SLC1A1: variants seen among roughly 807,000 people sequenced by gnomAD.
SLC1A1 encodes the protein excitatory amino acid transporter 3.
Under a neutral mutation model 53.3 loss-of-function variants are expected in SLC1A1, and 43 were observed. The ratio of observed to expected loss-of-function variants is 0.81; its 90% CI spans 0.63 to 1.04. The LOEUF (loss-of-function observed/expected upper bound fraction) is 1.04, where lower values mean the gene tolerates loss of function less well. Among genes scored for constraint, SLC1A1 ranks in the 50% least tolerant of loss-of-function variants. SLC1A1 has a pLI of 0.00. For synonymous variants in SLC1A1, 307 were observed against 243.2 expected (o/e 1.26, Z -2.44); for missense variants, 748 against 664.9 (o/e 1.12, Z -1.37).
intron 1 of SLC1A1, among the ~76,000 whole-genome samples, chr9:4,529,508 C>T (rs1403928350): frequency 6.6e-6 from 1 of 152,152 alleles, no homozygotes; most frequent in Non-Finnish European, 1.5e-5. Context: ...TTTGTAGTCA[C>T]ACAGTGTGCC....
chr9:4,563,716 T>C (rs1819203835), intron 3 of SLC1A1, among the ~76,000 whole-genome samples: 1 of 152,212 alleles, frequency 6.6e-6, no homozygotes, highest in Non-Finnish European at 1.5e-5. Context: ...AAGGCCACAA[T>C]GATGCTGTCA....
Position 4,561,502 on chromosome 9 carries a change from G to GTGTATTATT in SLC1A1, c.288_296dup (p.Tyr98_Phe99insLeuTyrTyr). ...CGGAAAAATTGGTCTGCGCGCTGTCGTGTATTATTTCTGTACCACTCTCAT... is the reference window on the plus strand; with the variant it reads ...CGGAAAAATTGGTCTGCGCGCTGTCGTGTATTATTTGTATTATTTCTGTACCACTCTCAT... On this transcript the variant is annotated inframe_insertion, in exon 3 of 12. Transcript: ENST00000262352. 3 of 1,608,654 alleles carry GTGTATTATT rather than the reference G, an allele frequency of 1.9e-6. No homozygotes were observed. The highest frequency in any genetic ancestry group is 2.6e-6 in the Non-Finnish European group (3 of 1,175,118).
intron 1 of SLC1A1, among the ~76,000 whole-genome samples, chr9:4,539,444 A>C (rs1246805162): frequency 1.3e-5 from 2 of 152,218 alleles, no homozygotes; most frequent in Admixed American, 6.5e-5. Flanking sequence ...TTTTTGAGAC[A>C]ACATGGAAGA....
chr9:4,549,686 T>C lies in SLC1A1; in HGVS notation c.232+4979T>C, dbSNP rs972049288. Among the ~76,000 whole-genome samples, 3 of 152,148 alleles carry C rather than the reference T, an allele frequency of 2.0e-5. No homozygotes were observed. Among genetic ancestry groups the C allele is most frequent in the Admixed American group, 2.0e-4 (3 of 15,272 alleles). ...TGACCTCTTCCTGGGATGCTTGCCATTGTGGAATATCCACTTCAGAGAAAA... is the reference window on the plus strand; with the variant it reads ...TGACCTCTTCCTGGGATGCTTGCCACTGTGGAATATCCACTTCAGAGAAAA... On this transcript the variant is annotated intron_variant, in intron 2 of 11. Coordinates refer to ENST00000262352, the MANE Select transcript of SLC1A1 (RefSeq NM_004170.6). The surrounding 1 kb of genome is among the most constrained non-coding windows in gnomAD (Gnocchi z 4.1).
intron 2 of SLC1A1, among the ~76,000 whole-genome samples, chr9:4,559,141 G>C (rs1471691607): frequency 4.6e-5 from 7 of 152,140 alleles, no homozygotes; most frequent in Non-Finnish European, 1.0e-4. Flanking sequence ...TGTTGTTGCT[G>C]TTGTCCCTTG....
chr9:4,509,188 A>G (rs1026061064), intron 1 of SLC1A1, among the ~76,000 whole-genome samples: 1 of 152,184 alleles, frequency 6.6e-6, no homozygotes, highest in African/African-American at 2.4e-5. Flanking sequence ...CATGTAAACA[A>G]AAAAGCATGG....
chr9:4,551,123 T>C (rs534640488), intron 2 of SLC1A1, among the ~76,000 whole-genome samples: 1 of 152,298 alleles, frequency 6.6e-6, no homozygotes, highest in South Asian at 2.1e-4. Flanking sequence ...GTGAGCAGAA[T>C]AAAGTGCAGT....
chr9:4,566,587 C>T (rs1300470905), intron 5 of SLC1A1, among the ~76,000 whole-genome samples: 6 of 152,136 alleles, frequency 3.9e-5, no homozygotes, highest in African/African-American at 1.4e-4. Flanking sequence ...GAAGCTCACA[C>T]CTGTAATCCC....
chr9:4,534,518 G>T (rs1359887762), intron 1 of SLC1A1, among the ~76,000 whole-genome samples: 1 of 152,112 alleles, frequency 6.6e-6, no homozygotes, highest in African/African-American at 2.4e-5. Context: ...CCAGCAAGAA[G>T]TTGAATCTCT....
At chr9:4,550,752 A>C (rs10739065) in intron 2 of SLC1A1, among the ~76,000 whole-genome samples, 55,474 of 152,106 alleles carry the variant, frequency 0.36, 10,785 homozygotes, top group East Asian at 0.6. Context: ...TTCAGTATTT[A>C]TTAAACAACA....
At chr9:4,544,012 A>G (rs1817241484) in intron 1 of SLC1A1, among the ~76,000 whole-genome samples, 2 of 152,070 alleles carry the variant, frequency 1.3e-5, no homozygotes, top group African/African-American at 4.8e-5. Context: ...AACCCTCTCA[A>G]GAAAAAAATA....
At chr9:4,544,955 A>G (rs953598672) in intron 2 of SLC1A1, among the ~76,000 whole-genome samples, 1 of 152,122 alleles carries the variant, frequency 6.6e-6, no homozygotes, top group African/African-American at 2.4e-5. Flanking sequence ...AAACCATAAG[A>G]TCTCGTGAGA....
intron 1 of SLC1A1, among the ~76,000 whole-genome samples, chr9:4,508,068 C>G (rs1820863177): frequency 6.6e-6 from 1 of 152,104 alleles, no homozygotes; most frequent in Non-Finnish European, 1.5e-5. Context: ...GAAATTCCAT[C>G]AGTGGCTTGG....
At chr9:4,575,186 G>C (rs941404753) in intron 8 of SLC1A1, among the ~76,000 whole-genome samples, 1 of 152,178 alleles carries the variant, frequency 6.6e-6, no homozygotes, top group African/African-American at 2.4e-5. Context: ...CCTCTCGCCA[G>C]AACTCCAGGA....
At chr9:4,512,584 AAG>A (rs148876761) in intron 1 of SLC1A1, among the ~76,000 whole-genome samples, 2,607 of 152,262 alleles carry the variant, frequency 0.017, 77 homozygotes, top group African/African-American at 0.059. Flanking sequence ...TATGAAAAAG[AAG>A]AAAGTTGGAG....
At chr9:4,522,381 G>A (rs1816110732) in intron 1 of SLC1A1, among the ~76,000 whole-genome samples, 3 of 152,038 alleles carry the variant, frequency 2.0e-5, no homozygotes, top group Admixed American at 1.3e-4. Context: ...ACCCCAAGGT[G>A]ATTCAAGGCA....
At chr9:4,498,246 G>C (rs889981098) in intron 1 of SLC1A1, among the ~76,000 whole-genome samples, 2 of 152,140 alleles carry the variant, frequency 1.3e-5, no homozygotes, top group South Asian at 2.1e-4. Flanking sequence ...TTCTGTGTTT[G>C]AACTGCTGAT....
Position 4,564,953 on chromosome 9 carries a change from CT to C in SLC1A1, c.440+499del, listed in dbSNP as rs775675850. On this transcript the variant is annotated intron_variant, in intron 4 of 11. Transcript: ENST00000262352. Reference sequence around the variant, plus strand: ...CAATTGTTTGACATAAAGCTAAGGTCTTTTCTTCAAGTTTGTTAGCTCATGG... The same window carrying C: ...CAATTGTTTGACATAAAGCTAAGGTCTTTCTTCAAGTTTGTTAGCTCATGG... 3.9e-5 allele frequency among the ~76,000 whole-genome samples: 6 copies of C among 152,258 alleles called. No individual in the cohort carries two copies. In the East Asian group the frequency reaches 1.2e-3, roughly 29 times the overall value.
chr9:4,492,137 G>C (rs982399032), intron 1 of SLC1A1, among the ~76,000 whole-genome samples: 18 of 152,122 alleles, frequency 1.2e-4, no homozygotes, highest in African/African-American at 4.3e-4. Context: ...GAAGTGCCAA[G>C]TGGTTTTGGA....
Sources: allele counts gnomAD v4.1 joint callset (sites outside exome capture counted in the v4.1 genomes callset), GRCh38; gene constraint gnomAD v4.1.1; non-coding constraint Gnocchi (gnomAD v3.1); transcripts MANE v1.5; gene names NCBI Gene and HGNC (gene_info 2026-07-23, HGNC 2026-07-21).